CSMD1: variants seen among roughly 807,000 people sequenced by gnomAD.
The protein encoded by CSMD1 is CUB and sushi domain-containing protein 1.
Under a neutral mutation model 417.5 loss-of-function variants are expected in CSMD1, and 213 were observed. The ratio of observed to expected loss-of-function variants is 0.51; its 90% confidence interval spans 0.46 to 0.57. The LOEUF is 0.57. Ranked by LOEUF, CSMD1 falls within the 20% of genes least tolerant of loss-of-function variation. CSMD1 has a pLI of 0.00. For synonymous variants in CSMD1, 2,862 were observed against 1,736.8 expected, an observed-to-expected ratio of 1.65 and a Z score of -16.11; for missense variants, 6,923 against 4,529.7, an observed-to-expected ratio of 1.53 and a Z score of -15.17.
intron 12 of CSMD1, among the ~76,000 whole-genome samples, chr8:3,446,634 CT>C (rs1815324761): frequency 1.3e-5 from 2 of 152,112 alleles, no homozygotes; most frequent in African/African-American, 4.8e-5. Context: ...AAAAGAAACG[CT>C]GTTTGGGGAA....
intron 50 of CSMD1, among the ~76,000 whole-genome samples, chr8:3,044,691 C>T (rs1016425691): frequency 7.2e-5 from 11 of 151,958 alleles, no homozygotes; most frequent in African/African-American, 2.2e-4. Context: ...TGCAAGAAGG[C>T]GGCAAATGGA....
rs117711784 is a variant in CSMD1, at chr8:4,628,562, C to T, written c.302+8780G>A. 5.5e-3 allele frequency among the ~76,000 whole-genome samples: 826 copies of T among 151,182 alleles called. 6 individuals carry two copies. Among genetic ancestry groups the T allele is most frequent in the Middle Eastern group, 0.014 (4 of 284 alleles). On this transcript the variant is annotated intron_variant, in intron 2 of 69. Coordinates refer to ENST00000635120, the MANE Select transcript of CSMD1 (RefSeq NM_033225.6). The stretch of plus-strand genomic sequence containing the variant: ...GATAAGCATAAACACAGATGTAATT[C>T]AGTGTAAGAATTTCAAGGACAGAGA...
chr8:3,492,607 T>G (rs1352974373), intron 11 of CSMD1, among the ~76,000 whole-genome samples: 1 of 152,218 alleles, frequency 6.6e-6, no homozygotes, highest in Non-Finnish European at 1.5e-5. Context: ...TTCCTAATTT[T>G]CATAAACCAG....
At chr8:4,148,590 C>G (rs1437738604) in intron 3 of CSMD1, among the ~76,000 whole-genome samples, 1 of 152,030 alleles carries the variant, frequency 6.6e-6, no homozygotes, top group East Asian at 1.9e-4. Flanking sequence ...GACCAGCTGT[C>G]TGGTCTGGTG....
At chr8:3,426,781 T>C (rs904571366) in intron 12 of CSMD1, among the ~76,000 whole-genome samples, 26 of 152,360 alleles carry the variant, frequency 1.7e-4, no homozygotes, top group African/African-American at 6.3e-4. Context: ...TTATATTTAA[T>C]GGGTTGTGCC....
In CSMD1 at chr8:3,068,982, C is replaced by T. The variant is rs80074862; in HGVS notation, c.7475-16335G>A. Among the ~76,000 whole-genome samples the T allele has an allele frequency of 8.5e-3, 1,288 of 152,222 alleles. 12 individuals carry two copies. The highest frequency in any genetic ancestry group is 0.03 in the African/African-American group (1,241 of 41,514). ...CAACAGAAGCCAAAAGTTCATAACT[C>T]ATTCCAGTATTAAGCCTCATCTGAG... is the stretch of plus-strand genomic sequence containing the variant. On this transcript the variant is annotated intron_variant, in intron 49 of 69. Transcript: ENST00000635120.
intron 5 of CSMD1, among the ~76,000 whole-genome samples, chr8:3,993,108 C>G (rs1257788379): frequency 6.6e-6 from 1 of 152,190 alleles, no homozygotes. Flanking sequence ...GTTAGCAGCA[C>G]TGATGCTACA....
At chr8:4,936,975 C>G (rs1234745878) in intron 1 of CSMD1, among the ~76,000 whole-genome samples, 1 of 152,162 alleles carries the variant, frequency 6.6e-6, no homozygotes, top group Non-Finnish European at 1.5e-5. Flanking sequence ...CCTTAGCAGG[C>G]CAAGGCTGGA....
intron 42 of CSMD1, among the ~76,000 whole-genome samples, chr8:3,117,778 G>C (rs1442310964): frequency 2.0e-5 from 3 of 152,128 alleles, no homozygotes; most frequent in African/African-American, 7.2e-5. Context: ...CTTGCCTCCA[G>C]CCTCTCCGTA....
intron 3 of CSMD1, among the ~76,000 whole-genome samples, chr8:4,303,094 G>A (rs755163218): frequency 6.6e-6 from 1 of 152,136 alleles, no homozygotes. Flanking sequence ...CAATTTTTGA[G>A]TAATTTAAAA....
chr8:3,787,237 A>C lies in CSMD1; in HGVS notation c.819-33195T>G, dbSNP rs78218081. Among the ~76,000 whole-genome samples the C allele has an allele frequency of 0.012, 1,838 of 152,248 alleles. 81 individuals carry two copies. The East Asian group carries it at 0.13, about 11-fold the overall frequency. ...GCTGAGGAAAATGAAAAACAACAAC[A>C]AAAAAAGAATTTGAAAAAACTTGTG... On this transcript the variant is annotated intron_variant, in intron 5 of 69. Transcript: ENST00000635120.
At chr8:3,741,690 C>G (rs12676490) in intron 6 of CSMD1, among the ~76,000 whole-genome samples, 23,528 of 152,206 alleles carry the variant, frequency 0.15, 1,843 homozygotes, top group Middle Eastern at 0.18. Context: ...GAAATTAACA[C>G]TACACAAAAT....
At chr8:3,252,740 G>A (rs747248346) in intron 26 of CSMD1, among the ~76,000 whole-genome samples, 3 of 152,090 alleles carry the variant, frequency 2.0e-5, no homozygotes, top group Non-Finnish European at 4.4e-5. Context: ...CAATTTCAGA[G>A]CCTGTTATTC....
intron 3 of CSMD1, among the ~76,000 whole-genome samples, chr8:4,413,247 C>A (rs1796746352): frequency 6.6e-6 from 1 of 152,168 alleles, no homozygotes; most frequent in Non-Finnish European, 1.5e-5. Context: ...TGTGAGCTGG[C>A]TAAGCTTTCC....
chr8:3,915,067 G>T (rs1808722050), intron 5 of CSMD1, among the ~76,000 whole-genome samples: 2 of 152,088 alleles, frequency 1.3e-5, no homozygotes, highest in Non-Finnish European at 2.9e-5. Flanking sequence ...AATAGTTATT[G>T]AATTAATTAG....
chr8:3,311,674 A>ATTACT (rs1278269201), intron 23 of CSMD1, among the ~76,000 whole-genome samples: 4 of 152,228 alleles, frequency 2.6e-5, no homozygotes, highest in Non-Finnish European at 5.9e-5. Context: ...CTGAACGTGT[A>ATTACT]TTACTTTTAC....
At chr8:3,498,190 T>A (rs995546018) in intron 10 of CSMD1, among the ~76,000 whole-genome samples, 1 of 152,204 alleles carries the variant, frequency 6.6e-6, no homozygotes, top group Non-Finnish European at 1.5e-5. Context: ...AGCTTCTTGC[T>A]TATATTTGAC....
intron 3 of CSMD1, among the ~76,000 whole-genome samples, chr8:4,378,146 A>G (rs1448451526): frequency 1.3e-5 from 2 of 152,188 alleles, no homozygotes; most frequent in Non-Finnish European, 2.9e-5. Flanking sequence ...ATGCTTCAAT[A>G]TTTCCATTAT....
At chr8:4,224,741 A>C (rs1347370638) in intron 3 of CSMD1, among the ~76,000 whole-genome samples, 1 of 152,184 alleles carries the variant, frequency 6.6e-6, no homozygotes, top group African/African-American at 2.4e-5. Flanking sequence ...CTTTTGGTGC[A>C]TTCTCCCCAT....
Sources: allele counts gnomAD v4.1 joint callset (sites outside exome capture counted in the v4.1 genomes callset), GRCh38; gene constraint gnomAD v4.1.1; transcripts MANE v1.5; gene names NCBI Gene and HGNC (gene_info 2026-07-23, HGNC 2026-07-21).